Variants in ITGBL1 observed in about 807,000 individuals in gnomAD.
ITGBL1 encodes the protein integrin beta-like protein 1.
In ITGBL1, 51 loss-of-function variants were observed where a neutral mutation model predicts 68.5. The ratio of observed to expected loss-of-function variants is 0.74; its 90% CI spans 0.59 to 0.94. ITGBL1 has a LOEUF of 0.94. ITGBL1 is among the 40% of genes least tolerant of loss of function. The pLI is 0.00. For synonymous variants in ITGBL1, 209 were observed against 227.3 expected (o/e 0.92, Z 0.72); for missense variants, 649 against 647.4 (o/e 1.00, Z -0.03).
chr13:101,491,667 G>A (rs1315235323), intron 2 of ITGBL1, among the ~76,000 whole-genome samples: 1 of 152,036 alleles, frequency 6.6e-6, no homozygotes, highest in Non-Finnish European at 1.5e-5. Context: ...GGATACATGA[G>A]CAGAATGTGC....
At chr13:101,494,037 T>C (rs925543356) in intron 2 of ITGBL1, among the ~76,000 whole-genome samples, 4 of 152,224 alleles carry the variant, frequency 2.6e-5, no homozygotes, top group Non-Finnish European at 5.9e-5. Flanking sequence ...ATTCAGCCAC[T>C]TTGAGGAGAC....
intron 7 of ITGBL1, among the ~76,000 whole-genome samples, chr13:101,654,147 A>G (rs1256168869): frequency 3.9e-5 from 6 of 152,164 alleles, no homozygotes; most frequent in South Asian, 2.1e-4. Flanking sequence ...AACGAAAAGG[A>G]TCACTGTGTT....
intron 3 of ITGBL1, among the ~76,000 whole-genome samples, chr13:101,568,982 A>T (rs549431815): frequency 3.8e-4 from 57 of 149,402 alleles, no homozygotes; most frequent in African/African-American, 1.3e-3. Flanking sequence ...CTTTCTTCTT[A>T]GTAGGATTTC....
chr13:101,573,687 G>T (rs760409214), intron 3 of ITGBL1, among the ~76,000 whole-genome samples: 3 of 152,118 alleles, frequency 2.0e-5, no homozygotes, highest in Non-Finnish European at 4.4e-5. Context: ...CTGGGAATTA[G>T]AAATGAAAGC....
chr13:101,637,302 C>T (rs192176254), intron 7 of ITGBL1, among the ~76,000 whole-genome samples: 20 of 150,754 alleles, frequency 1.3e-4, no homozygotes, highest in African/African-American at 3.4e-4. Context: ...GAAGTTAAAT[C>T]GGTGCTGGGG....
chr13:101,517,161 T>G (rs1280697519), intron 2 of ITGBL1, among the ~76,000 whole-genome samples: 2 of 152,206 alleles, frequency 1.3e-5, no homozygotes, highest in Admixed American at 6.5e-5. Context: ...AGCTATATTT[T>G]ATATTTGCAT....
chr13:101,684,505 G>A (rs2033711161), intron 7 of ITGBL1, among the ~76,000 whole-genome samples: 1 of 151,786 alleles, frequency 6.6e-6, no homozygotes, highest in Non-Finnish European at 1.5e-5. Flanking sequence ...AAATCTCAAA[G>A]CTTTCATTTG....
chr13:101,683,304 G>A (rs1594977993), intron 7 of ITGBL1, among the ~76,000 whole-genome samples: 1 of 151,950 alleles, frequency 6.6e-6, no homozygotes, highest in Non-Finnish European at 1.5e-5. Context: ...ATAGTTAGAC[G>A]TGACTTTTTT....
At chr13:101,571,939 G>T (rs951619565) in intron 3 of ITGBL1, among the ~76,000 whole-genome samples, 2 of 152,086 alleles carry the variant, frequency 1.3e-5, no homozygotes, top group African/African-American at 4.8e-5. Flanking sequence ...CAGTATTTTG[G>T]ATTGTAAATA....
chr13:101,640,632 C>T (rs2032330402), intron 7 of ITGBL1, among the ~76,000 whole-genome samples: 1 of 152,112 alleles, frequency 6.6e-6, no homozygotes, highest in Non-Finnish European at 1.5e-5. Flanking sequence ...AAACCTTCAA[C>T]TTCCATTTTG....
chr13:101,706,038 C>T (rs2034256943), intron 8 of ITGBL1, among the ~76,000 whole-genome samples: 1 of 152,160 alleles, frequency 6.6e-6, no homozygotes, highest in Non-Finnish European at 1.5e-5. Context: ...ATCATGCAAT[C>T]TAATGGTGTG....
chr13:101,678,186 A>G (rs1449657261), intron 7 of ITGBL1, among the ~76,000 whole-genome samples: 2 of 152,218 alleles, frequency 1.3e-5, no homozygotes, highest in Non-Finnish European at 1.5e-5. Flanking sequence ...GCATGTACAT[A>G]CATTCTCACA....
At chr13:101,649,122 G>C (rs1011663952) in intron 7 of ITGBL1, among the ~76,000 whole-genome samples, 15 of 152,270 alleles carry the variant, frequency 9.9e-5, no homozygotes, top group Admixed American at 5.2e-4. Context: ...TTTAGTTTTA[G>C]AGTCTTGTTG....
chr13:101,643,899 C>G (rs2032472427), intron 7 of ITGBL1, among the ~76,000 whole-genome samples: 1 of 152,130 alleles, frequency 6.6e-6, no homozygotes, highest in Non-Finnish European at 1.5e-5. Context: ...TCAATGAATA[C>G]CAAGCTCTTT....
At chr13:101,689,434 T>C (rs2139548258) in intron 7 of ITGBL1, among the ~76,000 whole-genome samples, 1 of 151,590 alleles carries the variant, frequency 6.6e-6, no homozygotes, top group South Asian at 2.1e-4. Flanking sequence ...AGTTGTGAAC[T>C]GAGGCAGCAA....
At chr13:101,604,983 C>T (rs12868609) in intron 7 of ITGBL1, among the ~76,000 whole-genome samples, 24 of 8,198 alleles carry the variant, frequency 2.9e-3, no homozygotes, top group Admixed American at 8.0e-3. Context: ...TATATGCGTA[C>T]ATGTGTATAT....
chr13:101,692,450 A>G (rs950835018), intron 7 of ITGBL1, 135 bp from the exon 8 acceptor site: 1 of 647,434 alleles, frequency 1.5e-6, no homozygotes, highest in Non-Finnish European at 2.8e-6. Context: ...GGAAATGTGT[A>G]TTTGTGTAAC....
At chr13:101,517,161 T>C (rs1280697519) in intron 2 of ITGBL1, among the ~76,000 whole-genome samples, 1 of 152,088 alleles carries the variant, frequency 6.6e-6, no homozygotes, top group East Asian at 1.9e-4. Context: ...AGCTATATTT[T>C]ATATTTGCAT....
chr13:101,491,898 C>T (rs2048783959), intron 2 of ITGBL1, among the ~76,000 whole-genome samples: 1 of 152,078 alleles, frequency 6.6e-6, no homozygotes, highest in African/African-American at 2.4e-5. Context: ...ATTTCTGTTC[C>T]TGGGTTAGTT....
Sources: gnomAD v4.1 joint callset for allele counts (sites outside exome capture counted in the v4.1 genomes callset) on GRCh38, gnomAD v4.1.1 for gene constraint, MANE v1.5 for transcripts, NCBI Gene and HGNC (gene_info 2026-07-23, HGNC 2026-07-21) for gene names.